THSD7B: variants seen among roughly 807,000 people sequenced by gnomAD.
The protein encoded by THSD7B is thrombospondin type 1 domain containing 7B, also known as thrombospondin type-1 domain-containing protein 7B.
THSD7B carries 138 observed loss-of-function variants against 213.6 expected under a neutral mutation model. The observed-to-expected ratio is 0.65, with a 90% CI of 0.56 to 0.74. The LOEUF (loss-of-function observed/expected upper bound fraction) is 0.74. Among genes scored for constraint, THSD7B ranks in the 30% least tolerant of loss-of-function variants. The probability of loss-of-function intolerance (pLI) is 0.00; values close to 1 mark genes in which losing one functional copy is unlikely to be tolerated. For synonymous variants in THSD7B, 742 were observed against 687.0 expected, an observed-to-expected ratio of 1.08 and a Z score of -1.25; for missense variants, 1,931 against 1,991.5, an observed-to-expected ratio of 0.97 and a Z score of 0.58.
At chr2:137,259,601 G>A (rs969080902) in intron 10 of THSD7B, among the ~76,000 whole-genome samples, 1 of 152,116 alleles carries the variant, frequency 6.6e-6, no homozygotes, top group Non-Finnish European at 1.5e-5. Context: ...CAGTTGGGTA[G>A]ATTGCAAAAA....
At chr2:137,191,911 C>T (rs1680668007) in intron 7 of THSD7B, among the ~76,000 whole-genome samples, 1 of 152,094 alleles carries the variant, frequency 6.6e-6, no homozygotes, top group Non-Finnish European at 1.5e-5. Flanking sequence ...AGGACAAAGC[C>T]ACCTCGATTT....
chr2:137,076,234 C>A (rs561228917), intron 3 of THSD7B, among the ~76,000 whole-genome samples: 1 of 152,268 alleles, frequency 6.6e-6, no homozygotes, highest in Non-Finnish European at 1.5e-5. Context: ...GTGGGCTCCA[C>A]CCAGTTCGAG....
In THSD7B at chr2:137,618,506, A is replaced by G. The variant is rs761473400; in HGVS notation, c.3680A>G (p.Gln1227Arg). Residue 1227 changes from glutamine (Q) to arginine (R), a missense_variant and splice_region_variant, in exon 19 of 28, where the codon CAG (glutamine) becomes CGG (arginine). Physicochemically the swap from Gln to Arg is conservative, Grantham distance 43. Transcript: ENST00000409968. ...CCAGTCAGCATGGACCAATGTGAGC[A>G]GGTACTGTGTTTATATTCATATCTC... The part of the protein sequence containing the change: ...GKPVSMDQCE[Q>R]HNLEKPQRMS... 1.2e-6 allele frequency: 2 copies of G among 1,613,486 alleles called. No homozygotes were observed. Among genetic ancestry groups the G allele is most frequent in the Non-Finnish European group, 1.7e-6 (2 of 1,179,664 alleles).
rs538256387 is a variant in THSD7B, at chr2:137,160,292, G to A, written c.1449G>A (p.Thr483=). Residue 483 remains threonine (T), a synonymous_variant, in exon 6 of 28, where the codon ACG becomes ACA. Coordinates refer to ENST00000409968, the MANE Select transcript of THSD7B (RefSeq NM_001316349.2). ...AGCTCTGCAATATCCCTTGCTCTAC[G>A]GACTGCATAGTATCTTCCTGGTCAG... is the stretch of plus-strand genomic sequence containing the variant. ...PSQLCNIPCS[T]DCIVSSWSAW... is the part of the protein sequence containing the mutation. 40 of 1,613,626 alleles carry A rather than the reference G, an allele frequency of 2.5e-5. 2 individuals are homozygous for A. Among genetic ancestry groups the A allele is most frequent in the Middle Eastern group, 1.7e-4 (1 of 6,058 alleles).
At chr2:137,639,419 G>T (rs1351960630) in intron 20 of THSD7B, among the ~76,000 whole-genome samples, 2 of 152,234 alleles carry the variant, frequency 1.3e-5, no homozygotes, top group African/African-American at 4.8e-5. Context: ...TGCTGCAGGG[G>T]CAGGGCCCTC....
chr2:136,779,194 A>ATG (rs1454802477), intron 1 of THSD7B, among the ~76,000 whole-genome samples: 53 of 76,690 alleles, frequency 6.9e-4, no homozygotes, highest in Admixed American at 2.2e-3. Context: ...GGCTATATAT[A>ATG]TATATGTGTG....
chr2:136,790,625 G>T (rs1191376061), intron 1 of THSD7B, among the ~76,000 whole-genome samples: 1 of 152,050 alleles, frequency 6.6e-6, no homozygotes, highest in African/African-American at 2.4e-5. Flanking sequence ...AGTTTTTGGA[G>T]ATTCAAAGAC....
chr2:136,993,307 TC>T (rs1685822212), intron 2 of THSD7B, among the ~76,000 whole-genome samples: 2 of 152,188 alleles, frequency 1.3e-5, no homozygotes, highest in Admixed American at 1.3e-4. Context: ...ACCAGTGTGC[TC>T]CTTTCCTCCT....
chr2:137,406,754 G>A (rs534456044), intron 13 of THSD7B, among the ~76,000 whole-genome samples: 2 of 152,348 alleles, frequency 1.3e-5, no homozygotes, highest in African/African-American at 4.8e-5. Context: ...CCATTTGTAA[G>A]TGTAGGTGAA....
chr2:137,470,893 T>G (rs772892422), intron 15 of THSD7B, among the ~76,000 whole-genome samples: 1 of 146,578 alleles, frequency 6.8e-6, no homozygotes, highest in Non-Finnish European at 1.5e-5. Context: ...CCCTTCCTAT[T>G]TCTTTATTTT....
intron 15 of THSD7B, among the ~76,000 whole-genome samples, chr2:137,527,594 C>T (rs1231998030): frequency 1.3e-5 from 2 of 151,842 alleles, no homozygotes; most frequent in Non-Finnish European, 1.5e-5. Context: ...AATCATGTGT[C>T]CCTCATTTGA....
intron 15 of THSD7B, among the ~76,000 whole-genome samples, chr2:137,463,303 T>A (rs190913416): frequency 2.6e-5 from 4 of 152,280 alleles, no homozygotes; most frequent in African/African-American, 9.6e-5. Context: ...GAACTTATAA[T>A]TGGTCCAAAA....
chr2:137,106,334 G>A (rs1015555170), intron 4 of THSD7B, among the ~76,000 whole-genome samples: 1 of 152,118 alleles, frequency 6.6e-6, no homozygotes, highest in Non-Finnish European at 1.5e-5. Flanking sequence ...GGGAAAACTG[G>A]CTAGCCATAT....
intron 7 of THSD7B, 116 bp downstream of exon 7, chr2:137,171,054 T>C (rs1680239552): frequency 2.6e-6 from 3 of 1,159,008 alleles, no homozygotes; most frequent in Non-Finnish European, 3.7e-6. Context: ...TTTCTTATCC[T>C]TGAATATTTA....
intron 6 of THSD7B, among the ~76,000 whole-genome samples, chr2:137,168,331 A>G (rs988352155): frequency 3.9e-5 from 6 of 152,172 alleles, no homozygotes; most frequent in African/African-American, 1.4e-4. Flanking sequence ...CTGGCCCCCA[A>G]CCACTATGGA....
chr2:137,404,506 C>CACAT (rs1243439493), intron 12 of THSD7B, among the ~76,000 whole-genome samples: 13 of 117,854 alleles, frequency 1.1e-4, no homozygotes, highest in African/African-American at 3.7e-4. Flanking sequence ...CACACACACA[C>CACAT]ATATATGTAT....
intron 2 of THSD7B, among the ~76,000 whole-genome samples, chr2:136,960,903 T>C (rs781302621): frequency 4.0e-5 from 6 of 151,580 alleles, no homozygotes; most frequent in Non-Finnish European, 5.9e-5. Flanking sequence ...TCCTGGCTAA[T>C]ACGGTGAAAC....
At chr2:137,547,255 G>T (rs1308227243) in intron 15 of THSD7B, among the ~76,000 whole-genome samples, 1 of 152,018 alleles carries the variant, frequency 6.6e-6, no homozygotes, top group African/African-American at 2.4e-5. Context: ...CTGGCTCTAT[G>T]TTCCACTTTA....
intron 15 of THSD7B, among the ~76,000 whole-genome samples, chr2:137,489,422 AAAAAAAAAG>A (rs1688556387): frequency 6.6e-6 from 1 of 151,196 alleles, no homozygotes; most frequent in African/African-American, 2.4e-5. Flanking sequence ...CTCCATCTCA[AAAAAAAAAG>A]AAAAAAAAGA....
Sources: gnomAD v4.1 joint callset for allele counts (sites outside exome capture counted in the v4.1 genomes callset) on GRCh38, gnomAD v4.1.1 for gene constraint, MANE v1.5 for transcripts, NCBI Gene and HGNC (gene_info 2026-07-23, HGNC 2026-07-21) for gene names.